Variants in SLIT3 observed in about 807,000 individuals in gnomAD.
SLIT3 encodes slit guidance ligand 3, also known as slit homolog 3 protein.
In SLIT3, 68 loss-of-function variants were observed where a neutral mutation model predicts 184.0. That is an observed-to-expected ratio of 0.37 (90% confidence interval 0.30 to 0.45). The LOEUF (loss-of-function observed/expected upper bound fraction) is 0.45, where lower values mean the gene tolerates loss of function less well. Among genes scored for constraint, SLIT3 ranks in the 20% least tolerant of loss-of-function variants. The pLI is 1.00. For synonymous variants in SLIT3, 831 were observed against 828.6 expected (o/e 1.00, Z -0.05); for missense variants, 1,707 against 2,026.0 (o/e 0.84, Z 3.02).
chr5:168,901,059 G>A (rs1561996021), intron 4 of SLIT3, among the ~76,000 whole-genome samples: 1 of 152,142 alleles, frequency 6.6e-6, no homozygotes, highest in Non-Finnish European at 1.5e-5. Flanking sequence ...ACCCTGTGAT[G>A]TGTGCATGTA....
intron 4 of SLIT3, chr5:169,025,062 T>A (rs1454738115): frequency 6.6e-6 from 1 of 152,154 alleles, no homozygotes; most frequent in Non-Finnish European, 1.5e-5. Context: ...CAGGGCAAAG[T>A]ATAGGAAGAC....
intron 4 of SLIT3, among the ~76,000 whole-genome samples, chr5:168,916,199 T>C (rs1355493150): frequency 6.6e-6 from 1 of 152,238 alleles, no homozygotes; most frequent in African/African-American, 2.4e-5. Context: ...CACATTTGAG[T>C]GATCTCTAAG....
chr5:169,185,352 G>A (rs773677047), intron 4 of SLIT3, among the ~76,000 whole-genome samples: 48 of 152,296 alleles, frequency 3.2e-4, no homozygotes, highest in Middle Eastern at 3.4e-3. Flanking sequence ...GTATGAGATG[G>A]TGAGGCTGGT....
At chr5:169,168,653 T>C (rs1762720152) in intron 4 of SLIT3, among the ~76,000 whole-genome samples, 1 of 152,192 alleles carries the variant, frequency 6.6e-6, no homozygotes, top group Non-Finnish European at 1.5e-5. Context: ...AATTAAGCAG[T>C]TGGCCAAGGA....
intron 1 of SLIT3, among the ~76,000 whole-genome samples, chr5:169,282,069 G>A (rs1301483911): frequency 6.6e-6 from 1 of 152,194 alleles, no homozygotes; most frequent in Non-Finnish European, 1.5e-5. Flanking sequence ...CTACGTGGAA[G>A]TTTCCCCTTG....
In SLIT3 at chr5:169,234,393, C is replaced by T. The variant is rs1014170850; in HGVS notation, c.341+10312G>A. Among the ~76,000 whole-genome samples the T allele has an allele frequency of 3.3e-5, 5 of 152,032 alleles. No homozygotes were observed. The South Asian group carries it at 6.2e-4, about 19-fold the overall frequency. The stretch of plus-strand genomic sequence containing the variant: ...CTATACCAATGTCTCTCCAGTCTTT[C>T]GGTTGTATGAAGCTTGTTGTTTTTG... On this transcript the variant is annotated intron_variant, in intron 3 of 35. Coordinates refer to ENST00000519560, the MANE Select transcript of SLIT3 (RefSeq NM_003062.4).
intron 4 of SLIT3, among the ~76,000 whole-genome samples, chr5:168,915,924 G>C (rs1761419168): frequency 6.6e-6 from 1 of 152,136 alleles, no homozygotes; most frequent in South Asian, 2.1e-4. Flanking sequence ...TGACACTCAG[G>C]AATTAATATT....
intron 4 of SLIT3, among the ~76,000 whole-genome samples, chr5:169,135,664 A>G (rs1461063244): frequency 6.6e-6 from 1 of 152,196 alleles, no homozygotes; most frequent in Admixed American, 6.5e-5. Flanking sequence ...TAAATTATAC[A>G]TATCTCTTTC....
At chr5:168,876,737 G>A (rs1277239555) in intron 5 of SLIT3, among the ~76,000 whole-genome samples, 1 of 152,050 alleles carries the variant, frequency 6.6e-6, no homozygotes, top group Non-Finnish European at 1.5e-5. Context: ...CTATGACTGC[G>A]GGTTTACTAA....
intron 4 of SLIT3, among the ~76,000 whole-genome samples, chr5:169,154,240 G>A (rs539688512): frequency 1.7e-4 from 26 of 152,302 alleles, no homozygotes; most frequent in African/African-American, 4.3e-4. Flanking sequence ...GATTACAGGC[G>A]TGAGCCACCG....
At chr5:169,116,188 A>G (rs1187077883) in intron 4 of SLIT3, among the ~76,000 whole-genome samples, 1 of 152,156 alleles carries the variant, frequency 6.6e-6, no homozygotes, top group East Asian at 1.9e-4. Context: ...TATTGTATTT[A>G]TTATTGCAAT....
chr5:168,833,808 AC>A (rs1757956080), intron 6 of SLIT3, among the ~76,000 whole-genome samples: 1 of 152,130 alleles, frequency 6.6e-6, no homozygotes, highest in Non-Finnish European at 1.5e-5. Context: ...AAGTCATTTA[AC>A]CTTTGTGAGG....
intron 5 of SLIT3, among the ~76,000 whole-genome samples, chr5:168,870,715 C>T (rs764266755): frequency 1.3e-5 from 2 of 152,190 alleles, no homozygotes; most frequent in Non-Finnish European, 2.9e-5. Context: ...ATTTTTCAAG[C>T]CTTTTTTCTC....
At chr5:168,787,736 C>T (rs1756207115) in intron 11 of SLIT3, among the ~76,000 whole-genome samples, 1 of 152,046 alleles carries the variant, frequency 6.6e-6, no homozygotes, top group African/African-American at 2.4e-5. Flanking sequence ...TCTCTAGACC[C>T]CAAAATAGAA....
rs553616916 is a variant in SLIT3, at chr5:168,780,482, G to A, written c.1151+5425C>T. ...CAGGAGAAAGATGGCGCCAATAGGC[G>A]TCTGGCATAACCCTTTCTCTAGCTC... On this transcript the variant is annotated intron_variant, in intron 12 of 35. Coordinates refer to ENST00000519560, the MANE Select transcript of SLIT3 (RefSeq NM_003062.4). Among the ~76,000 whole-genome samples, 9 of 152,364 alleles carry A rather than the reference G, an allele frequency of 5.9e-5. 1 individual carries two copies. The highest frequency in any genetic ancestry group is 3.4e-3 in the Middle Eastern group (1 of 294).
intron 3 of SLIT3, among the ~76,000 whole-genome samples, chr5:169,232,982 G>A (rs1182083734): frequency 1.3e-5 from 2 of 152,096 alleles, no homozygotes; most frequent in Admixed American, 6.5e-5. Context: ...GTTAAGGCCT[G>A]TGCATCTTTC....
chr5:168,776,498 G>A (rs1288149817), intron 12 of SLIT3, among the ~76,000 whole-genome samples: 2 of 152,218 alleles, frequency 1.3e-5, no homozygotes, highest in Non-Finnish European at 2.9e-5. Flanking sequence ...GATAGGGGAG[G>A]AAACTGAGGC....
At chr5:168,743,207 A>T (rs1763691675) in intron 20 of SLIT3, among the ~76,000 whole-genome samples, 1 of 151,766 alleles carries the variant, frequency 6.6e-6, no homozygotes, top group Admixed American at 6.6e-5. Context: ...ACCTTGTTTT[A>T]TTGCACTTTG....
Position 169,230,829 on chromosome 5 carries a change from C to T in SLIT3, c.341+13876G>A, listed in dbSNP as rs562494311. Among the ~76,000 whole-genome samples the T allele has an allele frequency of 2.1e-5, 3 of 144,524 alleles. No homozygotes were observed. The East Asian group carries it at 5.8e-4, about 28-fold the overall frequency. 94.8% of individuals were successfully genotyped at this position (144,524 alleles called of 152,430 possible). On this transcript the variant is annotated intron_variant, in intron 3 of 35. Coordinates refer to ENST00000519560, the MANE Select transcript of SLIT3 (RefSeq NM_003062.4). Reference sequence around the variant, plus strand: ...TCTGACTTTCAGATTTTTTCCTCTGCCAAAATAAAACTTTTTTTTTAAATA... The same window carrying T: ...TCTGACTTTCAGATTTTTTCCTCTGTCAAAATAAAACTTTTTTTTTAAATA...
Sources: allele counts gnomAD v4.1 joint callset (sites outside exome capture counted in the v4.1 genomes callset), GRCh38; gene constraint gnomAD v4.1.1; transcripts MANE v1.5; gene names NCBI Gene and HGNC (gene_info 2026-07-23, HGNC 2026-07-21).